Variants in ERC1 observed in about 807,000 individuals in gnomAD.
ERC1 encodes ELKS/RAB6-interacting/CAST family member 1.
In ERC1, 56 loss-of-function variants were observed where a neutral mutation model predicts 132.0. The observed-to-expected ratio is 0.42, with a 90% CI of 0.34 to 0.53. ERC1 has a LOEUF of 0.53. Ranked by LOEUF, ERC1 falls within the 20% of genes least tolerant of loss-of-function variation. The pLI, the probability that ERC1 is intolerant of heterozygous loss-of-function variation, is 0.03. For synonymous variants in ERC1, 478 were observed against 476.1 expected, an observed-to-expected ratio of 1.00 and a Z score of -0.05; for missense variants, 1,202 against 1,349.9, an observed-to-expected ratio of 0.89 and a Z score of 1.72.
At chr12:1,403,021 C>CT (rs2091204403) in intron 16 of ERC1, among the ~76,000 whole-genome samples, 1 of 152,144 alleles carries the variant, frequency 6.6e-6, no homozygotes, top group African/African-American at 2.4e-5. Flanking sequence ...ATGTATTCTT[C>CT]TATGAAATGT....
intron 15 of ERC1, among the ~76,000 whole-genome samples, chr12:1,350,839 G>A (rs529789557): frequency 1.4e-4 from 22 of 152,258 alleles, no homozygotes; most frequent in East Asian, 1.3e-3. Context: ...TTCATGCTGC[G>A]TCACAAAACA....
In ERC1 at chr12:1,104,759, C is replaced by T. The variant is rs750371362; in HGVS notation, c.1096C>T (p.Arg366Ter). The T allele has an allele frequency of 1.9e-6, 3 of 1,611,814 alleles. No individual in the cohort carries two copies. Among genetic ancestry groups the T allele is most frequent in the Non-Finnish European group, 2.5e-6 (3 of 1,177,966 alleles). Residue 366 changes from arginine to a stop codon, truncating the protein, a stop_gained, in exon 4 of 19, where the codon CGA becomes TGA. Coordinates refer to ENST00000360905, the MANE Select transcript of ERC1 (RefSeq NM_178040.4). LOFTEE classifies it high-confidence loss of function. ...TGCCTCTTTTCTACAGGAGATGCATCGAAGGTTTGAGAATGCTCCTGATTC... is the reference window on the plus strand; with the variant it reads ...TGCCTCTTTTCTACAGGAGATGCATTGAAGGTTTGAGAATGCTCCTGATTC... The part of the protein sequence containing the change: ...ENSMLREEMH[R>*]RFENAPDSAK...
intron 15 of ERC1, among the ~76,000 whole-genome samples, chr12:1,358,806 G>A (rs542139014): frequency 9.8e-5 from 15 of 152,314 alleles, no homozygotes; most frequent in African/African-American, 3.4e-4. Flanking sequence ...GATGAAGTTG[G>A]AGGAGGGGAA....
intron 2 of ERC1, among the ~76,000 whole-genome samples, chr12:1,042,133 G>T (rs1970315504): frequency 2.0e-5 from 3 of 152,084 alleles, no homozygotes; most frequent in Admixed American, 2.0e-4. Flanking sequence ...CGCTTCCCAG[G>T]TTCACGCCAT....
intron 1 of ERC1, among the ~76,000 whole-genome samples, chr12:1,014,793 TCTCA>T (rs1965259522): frequency 6.6e-6 from 1 of 152,114 alleles, no homozygotes; most frequent in Non-Finnish European, 1.5e-5. Context: ...TGAAATGAAA[TCTCA>T]CTGTCACCCA....
chr12:1,003,912 A>T (rs1193775489), intron 1 of ERC1, among the ~76,000 whole-genome samples: 1 of 152,162 alleles, frequency 6.6e-6, no homozygotes, highest in Non-Finnish European at 1.5e-5. Context: ...GTTGATGAGG[A>T]GCCTATTCTA....
intron 2 of ERC1, among the ~76,000 whole-genome samples, chr12:1,038,835 C>A: frequency 6.6e-6 from 1 of 152,148 alleles, no homozygotes; most frequent in Admixed American, 6.5e-5. Flanking sequence ...AAATGAGTTT[C>A]TTGTAGAAGA....
chr12:1,318,223 C>T (rs1430062566), intron 15 of ERC1, among the ~76,000 whole-genome samples: 1 of 152,086 alleles, frequency 6.6e-6, no homozygotes, highest in Non-Finnish European at 1.5e-5. Flanking sequence ...CTTGGGAAAT[C>T]AGGGCAGCTG....
intron 17 of ERC1, among the ~76,000 whole-genome samples, chr12:1,428,860 C>CT (rs778056587): frequency 3.9e-5 from 6 of 152,144 alleles, no homozygotes; most frequent in Non-Finnish European, 8.8e-5. Flanking sequence ...CTTCTTCTTC[C>CT]TGATCCTAGG....
chr12:1,316,134 G>A lies in ERC1; in HGVS notation c.2780+26122G>A, dbSNP rs143563543. ...GATCTCCTGACCTCGTGATCCACCC[G>A]CCTCGGCCTCCCAAAGTGCTGGGAT... On this transcript the variant is annotated intron_variant, in intron 15 of 18. Transcript: ENST00000360905. Among the ~76,000 whole-genome samples, 324 of 152,232 alleles carry A rather than the reference G, an allele frequency of 2.1e-3. 1 individual carries two copies. Among genetic ancestry groups the A allele is most frequent in the African/African-American group, 7.5e-3 (311 of 41,526 alleles).
intron 17 of ERC1, among the ~76,000 whole-genome samples, chr12:1,418,410 C>A (rs144153147): frequency 3.3e-5 from 5 of 152,296 alleles, no homozygotes; most frequent in Middle Eastern, 3.4e-3. Context: ...ATGTCCTTAT[C>A]TCTGAAGACA....
At chr12:1,487,372 A>ATTTTTTTTTTT (rs574707385) in intron 18 of ERC1, among the ~76,000 whole-genome samples, 1 of 57,920 alleles carries the variant, frequency 1.7e-5, no homozygotes, top group Non-Finnish European at 3.1e-5. Context: ...AAGCATCTAG[A>ATTTTTTTTTTT]TTTTTTTTTT....
chr12:1,183,480 C>A (rs1176349507), intron 11 of ERC1, 59 bp downstream of exon 11: 40 of 1,196,218 alleles, frequency 3.3e-5, no homozygotes, highest in Non-Finnish European at 4.5e-5. Context: ...TAGTAGATAA[C>A]CTTAGCATGT....
In ERC1 at chr12:1,142,215, A is replaced by G. The variant is rs78521855; in HGVS notation, c.1737+428A>G. 4.4e-3 allele frequency among the ~76,000 whole-genome samples: 675 copies of G among 152,320 alleles called. 3 individuals carry two copies. The highest frequency in any genetic ancestry group is 0.015 in the African/African-American group (633 of 41,578). On this transcript the variant is annotated intron_variant, in intron 8 of 18. Transcript: ENST00000360905. ...CAGACCAACACATAATTCATATATGAGCAAAAAAAATGTGTGTGTGTCTAT... is the reference window on the plus strand; with the variant it reads ...CAGACCAACACATAATTCATATATGGGCAAAAAAAATGTGTGTGTGTCTAT...
At chr12:1,123,765 C>T (rs1055254958) in intron 7 of ERC1, among the ~76,000 whole-genome samples, 6 of 152,140 alleles carry the variant, frequency 3.9e-5, no homozygotes, top group African/African-American at 1.4e-4. Flanking sequence ...GAGGCTGAGG[C>T]GGGTGGATCA....
intron 18 of ERC1, among the ~76,000 whole-genome samples, chr12:1,465,132 G>A (rs1433476159): frequency 3.9e-5 from 6 of 152,030 alleles, no homozygotes; most frequent in Admixed American, 6.6e-5. Context: ...CATTGAACGC[G>A]GGTCTGTCAT....
At chr12:1,334,008 G>A (rs576915368) in intron 15 of ERC1, among the ~76,000 whole-genome samples, 1 of 152,136 alleles carries the variant, frequency 6.6e-6, no homozygotes, top group Non-Finnish European at 1.5e-5. Context: ...CCCTGATGTT[G>A]AGCTTTTTTC....
At chr12:1,144,636 G>GTATATATATATATATATA (rs1353092300) in intron 8 of ERC1, among the ~76,000 whole-genome samples, 22 of 137,740 alleles carry the variant, frequency 1.6e-4, no homozygotes, top group African/African-American at 6.6e-4. Context: ...ATATATATAC[G>GTATATATATATATATATA]TGTATATATA....
At chr12:1,220,890 A>G (rs1235978463) in intron 12 of ERC1, among the ~76,000 whole-genome samples, 1 of 152,006 alleles carries the variant, frequency 6.6e-6, no homozygotes, top group South Asian at 2.1e-4. Flanking sequence ...GCCCATTCGC[A>G]TTTGCTGTTT....
Sources: gnomAD v4.1 joint callset for allele counts (sites outside exome capture counted in the v4.1 genomes callset) on GRCh38, gnomAD v4.1.1 for gene constraint, MANE v1.5 for transcripts, NCBI Gene and HGNC (gene_info 2026-07-23, HGNC 2026-07-21) for gene names.